Variants in DIAPH2 observed in about 807,000 individuals in gnomAD.
The protein encoded by DIAPH2 is protein diaphanous homolog 2.
In DIAPH2, 35 loss-of-function variants were observed where a neutral mutation model predicts 92.7. The observed-to-expected ratio is 0.38, with a 90% confidence interval of 0.29 to 0.50. DIAPH2 has a LOEUF of 0.50. Ranked by LOEUF, DIAPH2 falls within the 20% of genes least tolerant of loss-of-function variation. DIAPH2 has a pLI of 0.94. For synonymous variants in DIAPH2, 301 were observed against 280.4 expected (o/e 1.07, Z -0.73); for missense variants, 701 against 819.5 (o/e 0.86, Z 1.77).
At chrX:96,811,319 G>T (rs1035045294) in intron 4 of DIAPH2, among the ~76,000 whole-genome samples, 4 of 111,523 alleles carry the variant, frequency 3.6e-5, no homozygotes, top group Admixed American at 9.5e-5. Flanking sequence ...CTCTCTGTTT[G>T]TCTGTTTTTG....
At chrX:97,415,403 C>T (rs1019296401) in intron 25 of DIAPH2, among the ~76,000 whole-genome samples, 6 of 111,841 alleles carry the variant, frequency 5.4e-5, no homozygotes, top group Non-Finnish European at 9.4e-5. Flanking sequence ...CACATGCACA[C>T]GTTTGTTTAT....
chrX:97,311,654 T>C (rs751839647), intron 23 of DIAPH2, among the ~76,000 whole-genome samples: 3 of 110,862 alleles, frequency 2.7e-5, no homozygotes, highest in East Asian at 5.7e-4. Flanking sequence ...AAGTGCAGGG[T>C]CTGCACAATT....
At chrX:96,708,321 C>T (rs754553209) in intron 1 of DIAPH2, among the ~76,000 whole-genome samples, 2 of 100,727 alleles carry the variant, frequency 2.0e-5, no homozygotes, top group South Asian at 9.4e-4. Flanking sequence ...TGGCTCACTG[C>T]AACCTCCGCC....
chrX:97,592,064 A>G (rs942526962), intron 26 of DIAPH2, among the ~76,000 whole-genome samples: 9 of 112,163 alleles, frequency 8.0e-5, no homozygotes, highest in Non-Finnish European at 1.5e-4. Flanking sequence ...GAATCCCAAG[A>G]GATTGGCTGT....
At chrX:97,097,017 T>C (rs2066873926) in intron 19 of DIAPH2, among the ~76,000 whole-genome samples, 1 of 111,354 alleles carries the variant, frequency 9.0e-6, no homozygotes, top group Non-Finnish European at 1.9e-5. Context: ...CCCCTGCCTT[T>C]TTTCCATATT....
chrX:96,952,258 C>T lies in DIAPH2; in HGVS notation c.1614+3219C>T, dbSNP rs143884653. ...TGGTTATTTGCTAAGTATAGAAACA[C>T]TTTAGTTGTATGTATGTATATACAT... is the stretch of plus-strand genomic sequence containing the variant. On this transcript the variant is annotated intron_variant, in intron 15 of 26. Transcript: ENST00000324765. Among the ~76,000 whole-genome samples, 923 of 111,371 alleles carry T rather than the reference C, an allele frequency of 8.3e-3. 8 individuals are homozygous for T. The highest frequency in any genetic ancestry group is 0.029 in the African/African-American group (891 of 30,607).
At chrX:97,594,964 A>G (rs1302437840) in intron 26 of DIAPH2, among the ~76,000 whole-genome samples, 7 of 111,287 alleles carry the variant, frequency 6.3e-5, no homozygotes, top group African/African-American at 2.3e-4. Context: ...TTCAATCCCA[A>G]GTTTACCGCC....
At chrX:97,326,828 G>A (rs1181426299) in intron 23 of DIAPH2, among the ~76,000 whole-genome samples, 1 of 112,253 alleles carries the variant, frequency 8.9e-6, no homozygotes, top group African/African-American at 3.2e-5. Context: ...GTCCTAGGGA[G>A]CAATGTATGA....
At chrX:97,302,278 C>T (rs2068713634) in intron 23 of DIAPH2, among the ~76,000 whole-genome samples, 1 of 107,956 alleles carries the variant, frequency 9.3e-6, no homozygotes, top group South Asian at 4.1e-4. Context: ...CCTGTAATCC[C>T]AGCACTTTGG....
chrX:97,115,032 A>T, intron 21 of DIAPH2, 67 bp downstream of exon 21: 1 of 1,029,084 alleles, frequency 9.7e-7, no homozygotes, highest in Non-Finnish European at 1.3e-6. Flanking sequence ...GTGATACTGC[A>T]AATAGCAATC....
At chrX:97,354,196 G>A (rs1252713133) in intron 24 of DIAPH2, among the ~76,000 whole-genome samples, 5 of 110,905 alleles carry the variant, frequency 4.5e-5, no homozygotes, top group East Asian at 5.6e-4. Context: ...TCTCTCGTCC[G>A]GACTATAATA....
At chrX:97,156,717 A>G (rs200852740) in intron 22 of DIAPH2, among the ~76,000 whole-genome samples, 56 of 111,854 alleles carry the variant, frequency 5.0e-4, no homozygotes, top group African/African-American at 1.4e-3. Flanking sequence ...TGCAAAAACA[A>G]GAGTAATATT....
intron 23 of DIAPH2, among the ~76,000 whole-genome samples, chrX:97,297,549 T>C (rs2068655066): frequency 1.8e-5 from 2 of 108,670 alleles, no homozygotes; most frequent in African/African-American, 6.7e-5. Flanking sequence ...GAAAGTATCC[T>C]ACACAATTCC....
intron 25 of DIAPH2, among the ~76,000 whole-genome samples, 176 bp downstream of exon 25, chrX:97,384,220 C>T (rs1315436944): frequency 8.9e-6 from 1 of 111,775 alleles, no homozygotes; most frequent in Admixed American, 9.6e-5. Flanking sequence ...GCTGAGCATT[C>T]AGGATTTTTG....
chrX:96,959,333 G>A (rs189223251), intron 16 of DIAPH2, among the ~76,000 whole-genome samples: 1 of 111,532 alleles, frequency 9.0e-6, no homozygotes, highest in African/African-American at 3.3e-5. Flanking sequence ...TAAGATGCCA[G>A]TAAGATACCT....
At chrX:97,301,988 G>A (rs1337645387) in intron 23 of DIAPH2, among the ~76,000 whole-genome samples, 1 of 109,981 alleles carries the variant, frequency 9.1e-6, no homozygotes, top group Non-Finnish European at 1.9e-5. Context: ...GCCGAGGCGG[G>A]CAGATCACAA....
At chrX:96,786,074 G>T (rs1433286811) in intron 4 of DIAPH2, among the ~76,000 whole-genome samples, 4 of 111,778 alleles carry the variant, frequency 3.6e-5, no homozygotes. Context: ...CAAGGTTAAG[G>T]ACACCTGTGT....
intron 26 of DIAPH2, among the ~76,000 whole-genome samples, chrX:97,445,914 G>A (rs982539878): frequency 7.0e-5 from 7 of 100,006 alleles, no homozygotes; most frequent in Non-Finnish European, 1.2e-4. Flanking sequence ...TTATGGGGGG[G>A]AAAAAAAACC....
At chrX:97,599,136 T>G in intron 26 of DIAPH2, 117 bp from the exon 27 acceptor site, 1 of 410,244 alleles carries the variant, frequency 2.4e-6, no homozygotes, top group Non-Finnish European at 4.0e-6. Flanking sequence ...CTTATTTACA[T>G]TTTCATTTGA....
Sources: allele counts gnomAD v4.1 joint callset (sites outside exome capture counted in the v4.1 genomes callset), GRCh38; gene constraint gnomAD v4.1.1; transcripts MANE v1.5; gene names NCBI Gene and HGNC (gene_info 2026-07-23, HGNC 2026-07-21).